KCNK12: variants seen among roughly 807,000 people sequenced by gnomAD.
KCNK12 encodes the protein potassium channel subfamily K member 12.
A neutral mutation model predicts 25.3 loss-of-function variants in KCNK12; 6 were observed. The observed-to-expected ratio is 0.24, with a 90% CI of 0.13 to 0.47. The LOEUF (loss-of-function observed/expected upper bound fraction) is 0.47. Among genes scored for constraint, KCNK12 ranks in the 20% least tolerant of loss-of-function variants. The pLI is 0.99. For synonymous variants in KCNK12, 331 were observed against 311.1 expected, an observed-to-expected ratio of 1.06 and a Z score of -0.67; for missense variants, 444 against 661.7, an observed-to-expected ratio of 0.67 and a Z score of 3.61.
chr2:47,552,346 T>G (rs1343702033), intron 1 of KCNK12, among the ~76,000 whole-genome samples: 1 of 152,130 alleles, frequency 6.6e-6, no homozygotes, highest in Non-Finnish European at 1.5e-5. Flanking sequence ...AGCCCAGCTT[T>G]GGAGGAGGGG....
chr2:47,537,620 C>T (rs1488443910), intron 1 of KCNK12, among the ~76,000 whole-genome samples: 1 of 152,164 alleles, frequency 6.6e-6, no homozygotes, highest in African/African-American at 2.4e-5. Flanking sequence ...TGAGCCACCG[C>T]GCCCAGCTGT....
At chr2:47,559,253 C>T (rs563280251) in intron 1 of KCNK12, among the ~76,000 whole-genome samples, 24 of 152,312 alleles carry the variant, frequency 1.6e-4, no homozygotes, top group Non-Finnish European at 3.2e-4. Context: ...CTGCTGCACA[C>T]CTGCCAGCCA....
intron 1 of KCNK12, among the ~76,000 whole-genome samples, chr2:47,539,755 G>A (rs1164638371): frequency 6.6e-6 from 1 of 152,200 alleles, no homozygotes; most frequent in Non-Finnish European, 1.5e-5. Context: ...AGCCGAAAGG[G>A]GAAGAAACGG....
rs1049283530 is a variant in KCNK12, at chr2:47,538,882, G to A, written c.392-17074C>T. On this transcript the variant is annotated intron_variant, in intron 1 of 1. Transcript: ENST00000327876. The surrounding 1 kb of genome is among the most constrained non-coding windows in gnomAD (Gnocchi z 4.5). The stretch of plus-strand genomic sequence containing the variant: ...TTTCATTTGATTTTAATGTGAGGGA[G>A]AAACATAAACTAGTAGTTTTACAAA... 2.0e-5 allele frequency among the ~76,000 whole-genome samples: 3 copies of A among 152,212 alleles called. No homozygotes were observed. The highest frequency in any genetic ancestry group is 7.2e-5 in the African/African-American group (3 of 41,438).
Position 47,518,716 on chromosome 2 carries a change from C to G in KCNK12, c.*2191G>C, listed in dbSNP as rs1314996996. The G allele has an allele frequency of 6.6e-6, 1 of 152,410 alleles. No homozygotes were observed. The highest frequency in any genetic ancestry group is 1.5e-5 in the Non-Finnish European group (1 of 68,214). The allele number at this position is 152,410 out of a possible 1,614,324, so 9.4% of individuals were successfully genotyped here. A position where few individuals can be genotyped will look rare whatever the true frequency, so the allele number is the denominator to read the frequency against. On this transcript the variant is annotated 3_prime_UTR_variant, in exon 2 of 2. Coordinates refer to ENST00000327876, the MANE Select transcript of KCNK12 (RefSeq NM_022055.2). The surrounding 1 kb of genome is among the most constrained non-coding windows in gnomAD (Gnocchi z 4.1). Reference sequence around the variant, plus strand: ...GCTGCTGTACTGTTGCTGGGGCTCACTTCCTGTGGGTAGGCTGTTATTTTG... The same window carrying G: ...GCTGCTGTACTGTTGCTGGGGCTCAGTTCCTGTGGGTAGGCTGTTATTTTG...
chr2:47,510,095 G>A lies in KCNK12; in HGVS notation c.*10812C>T, dbSNP rs1668363762. 1 of 152,172 alleles carries A rather than the reference G, an allele frequency of 6.6e-6. No individual in the cohort carries two copies. The highest frequency in any genetic ancestry group is 1.5e-5 in the Non-Finnish European group (1 of 68,026). The allele number at this position is 152,172 out of a possible 1,614,324, so 9.4% of individuals were successfully genotyped here. ...ATGAGATGCAGCAGAAAGTCCTAGG[G>A]AGGTCTAGGAAAAGTCCTGTTGGGA... On this transcript the variant is annotated 3_prime_UTR_variant, in exon 2 of 2. Coordinates refer to ENST00000327876, the MANE Select transcript of KCNK12 (RefSeq NM_022055.2).
chr2:47,548,575 T>C lies in KCNK12; in HGVS notation c.391+21366A>G, dbSNP rs1457565859. Among the ~76,000 whole-genome samples the C allele has an allele frequency of 6.6e-6, 1 of 152,192 alleles. No homozygotes were observed. The highest frequency in any genetic ancestry group is 1.5e-5 in the Non-Finnish European group (1 of 68,034). Reference sequence around the variant, plus strand: ...GATCCAGGAACAAATCGTGCCACCCTACTGTCAACACTTATCCAGATTCTA... The same window carrying C: ...GATCCAGGAACAAATCGTGCCACCCCACTGTCAACACTTATCCAGATTCTA... On this transcript the variant is annotated intron_variant, in intron 1 of 1. Transcript: ENST00000327876. This position sits in a 1 kb window ranked among gnomAD's most constrained non-coding sequence, Gnocchi z 4.4.
Position 47,539,630 on chromosome 2 carries a change from A to G in KCNK12, c.392-17822T>C, listed in dbSNP as rs566842876. On this transcript the variant is annotated intron_variant, in intron 1 of 1. Transcript: ENST00000327876. ...TCAGAAATTTCTAGAAGAATCTAGT[A>G]AGATGGAAACCTAACAGTCCTACTG... 1.8e-3 allele frequency among the ~76,000 whole-genome samples: 271 copies of G among 152,336 alleles called. 1 individual carries two copies. Among genetic ancestry groups the G allele is most frequent in the Admixed American group, 4.1e-3 (63 of 15,306 alleles).
In KCNK12 at chr2:47,510,380, G is replaced by C. The variant is rs1668371932; in HGVS notation, c.*10527C>G. 6.6e-6 allele frequency: 1 copy of C among 152,150 alleles called. No homozygotes were observed. Among genetic ancestry groups the C allele is most frequent in the Admixed American group, 6.5e-5 (1 of 15,282 alleles). 9.4% of individuals were successfully genotyped at this position (152,150 alleles called of 1,614,324 possible). On this transcript the variant is annotated 3_prime_UTR_variant, in exon 2 of 2. Coordinates refer to ENST00000327876, the MANE Select transcript of KCNK12 (RefSeq NM_022055.2). ...AAAACTACCCTTCAATGGGTTTTCT[G>C]TTCATTACAGTTGAATGCTTTCATA...
intron 1 of KCNK12, among the ~76,000 whole-genome samples, chr2:47,549,558 A>C (rs1669381647): frequency 6.6e-6 from 1 of 152,238 alleles, no homozygotes; most frequent in African/African-American, 2.4e-5. Context: ...AATATGTAAA[A>C]TATGCTCAAG....
intron 1 of KCNK12, among the ~76,000 whole-genome samples, chr2:47,568,319 A>C (rs937094811): frequency 2.0e-5 from 3 of 151,390 alleles, no homozygotes; most frequent in Admixed American, 1.3e-4. Context: ...AAAAAAAAAA[A>C]CTCTAGTTGC....
rs72872827 is a variant in KCNK12 at position 47,551,290 on chromosome 2, C to T, written c.391+18651G>A. 0.028 allele frequency among the ~76,000 whole-genome samples: 3,798 copies of T among 134,366 alleles called. 160 individuals carry two copies. Among genetic ancestry groups the T allele is most frequent in the African/African-American group, 0.088 (3,529 of 40,268 alleles). The allele number at this position is 134,366 out of a possible 152,430, so 88.1% of individuals were successfully genotyped here. A position where few individuals can be genotyped will look rare whatever the true frequency, so the allele number is the denominator to read the frequency against. ...TCTTCCTCCAGGCAGCCACATGGCT[C>T]ACTCCCTTACCTCATTCCAAGCCTC... On this transcript the variant is annotated intron_variant, in intron 1 of 1. Coordinates refer to ENST00000327876, the MANE Select transcript of KCNK12 (RefSeq NM_022055.2). The surrounding 1 kb of genome is among the most constrained non-coding windows in gnomAD (Gnocchi z 5.3).
intron 1 of KCNK12, among the ~76,000 whole-genome samples, chr2:47,526,067 A>G (rs1011979353): frequency 3.3e-5 from 5 of 152,088 alleles, no homozygotes; most frequent in African/African-American, 1.2e-4. Context: ...ACGAGTCTCA[A>G]TCTTAAAACT....
At chr2:47,537,310 A>G (rs1669094482) in intron 1 of KCNK12, among the ~76,000 whole-genome samples, 1 of 151,378 alleles carries the variant, frequency 6.6e-6, no homozygotes, top group Non-Finnish European at 1.5e-5. Context: ...CACACTGCTC[A>G]GTTGTGAAAA....
rs535732031 is a variant in KCNK12, at chr2:47,565,440, C to A, written c.391+4501G>T. The stretch of plus-strand genomic sequence containing the variant: ...GCTGAATAATTAAGTGTGCCTAATT[C>A]TGAAAGTAGCAAGCTAAATTATGCA... On this transcript the variant is annotated intron_variant, in intron 1 of 1. Transcript: ENST00000327876. The surrounding 1 kb of genome is among the most constrained non-coding windows in gnomAD (Gnocchi z 5.0). 1 of 152,234 alleles carries A rather than the reference C, an allele frequency of 6.6e-6. No individual in the cohort carries two copies. Among genetic ancestry groups the A allele is most frequent in the South Asian group, 2.1e-4 (1 of 4,812 alleles). 9.4% of individuals were successfully genotyped at this position (152,234 alleles called of 1,614,324 possible).
rs187649235 is a variant in KCNK12, at chr2:47,533,200, G to A, written c.392-11392C>T. On this transcript the variant is annotated intron_variant, in intron 1 of 1. Coordinates refer to ENST00000327876, the MANE Select transcript of KCNK12 (RefSeq NM_022055.2). This position sits in a 1 kb window ranked among gnomAD's most constrained non-coding sequence, Gnocchi z 4.7. Reference sequence around the variant, plus strand: ...TAATTTTTGTATTTTTAGTAGAGACGGGGTTTTACCATGTTGGCCAGGCTG... The same window carrying A: ...TAATTTTTGTATTTTTAGTAGAGACAGGGTTTTACCATGTTGGCCAGGCTG... Among the ~76,000 whole-genome samples, 2,265 of 136,130 alleles carry A rather than the reference G, an allele frequency of 0.017. 36 individuals are homozygous for A. Among genetic ancestry groups the A allele is most frequent in the African/African-American group, 0.047 (1,586 of 33,850 alleles). 89.3% of individuals were successfully genotyped at this position (136,130 alleles called of 152,430 possible).
At chr2:47,546,037 C>G (rs752957396) in intron 1 of KCNK12, among the ~76,000 whole-genome samples, 4 of 151,938 alleles carry the variant, frequency 2.6e-5, no homozygotes, top group Non-Finnish European at 5.9e-5. Flanking sequence ...CAACTATGGA[C>G]AGGGAAAAGC....
intron 1 of KCNK12, among the ~76,000 whole-genome samples, chr2:47,539,186 A>C (rs1249672090): frequency 6.6e-6 from 1 of 152,226 alleles, no homozygotes; most frequent in South Asian, 2.1e-4. Context: ...TAAATAATGT[A>C]GCTTGCATGA....
Position 47,570,284 on chromosome 2 carries a change from G to A in KCNK12, c.48C>T (p.Arg16=). The change falls in exon 1 of 2, where the codon CGC becomes CGT. Residue 16 remains arginine (R), a synonymous_variant. Coordinates refer to ENST00000327876, the MANE Select transcript of KCNK12 (RefSeq NM_022055.2). ...AGCAGCAGCAGGAGGGGCGCGGCAG[G>A]CGGCGGCGGCTACGGCGGGGCGGGG... The part of the protein sequence containing the change: ...PRPPPRRSRR[R]LPRPSCCCCC... The A allele has an allele frequency of 7.3e-7, 1 of 1,372,432 alleles. No individual in the cohort carries two copies. Among genetic ancestry groups the A allele is most frequent in the Non-Finnish European group, 9.4e-7 (1 of 1,063,260 alleles). The allele number at this position is 1,372,432 out of a possible 1,614,324, so 85.0% of individuals were successfully genotyped here.
Sources: allele counts gnomAD v4.1 joint callset (sites outside exome capture counted in the v4.1 genomes callset), GRCh38; gene constraint gnomAD v4.1.1; non-coding constraint Gnocchi (gnomAD v3.1); transcripts MANE v1.5; gene names NCBI Gene and HGNC (gene_info 2026-07-23, HGNC 2026-07-21).